The following CCDC154 variants were observed in gnomAD, a reference collection of about 807,000 sequenced individuals.
CCDC154 encodes the protein coiled-coil domain containing 154.
In CCDC154, 91 loss-of-function variants were observed where a neutral mutation model predicts 87.5. That is an observed-to-expected ratio of 1.04 (90% CI 0.88 to 1.24). CCDC154 has a LOEUF of 1.24. Ranked by LOEUF, CCDC154 falls within the 50% of genes most tolerant of loss-of-function variation. The probability of loss-of-function intolerance (pLI) is 0.00; values close to 1 mark genes in which losing one functional copy is unlikely to be tolerated. For synonymous variants in CCDC154, 418 were observed against 400.4 expected (o/e 1.04, Z -0.52); for missense variants, 903 against 879.2 (o/e 1.03, Z -0.34).
Position 1,443,877 on chromosome 16 carries a change from C to T in CCDC154, c.143G>A (p.Arg48Lys). The T allele has an allele frequency of 1.5e-6, 2 of 1,304,246 alleles. No individual in the cohort carries two copies. The highest frequency in any genetic ancestry group is 2.0e-6 in the Non-Finnish European group (2 of 988,968). The allele number at this position is 1,304,246 out of a possible 1,614,324, so 80.8% of individuals were successfully genotyped here. A position where few individuals can be genotyped will look rare whatever the true frequency, so the allele number is the denominator to read the frequency against. The part of the protein sequence containing the change: ...EPLSLEELSE[R>K]YESSHPTSTA... The stretch of plus-strand genomic sequence containing the variant: ...GGATGTCGGATGGCTGGACTCATAC[C>T]TCTCCGAGAGCTCCTCCAGGCTCAA... The change falls in exon 2 of 17, where the codon AGG becomes AAG. Residue 48 changes from arginine (R) to lysine (K), a missense_variant. By Grantham distance (26) the Arg-to-Lys change is conservative. Transcript: ENST00000389176.
Position 1,443,921 on chromosome 16 carries a change from G to A in CCDC154, c.99C>T (p.Gly33=), listed in dbSNP as rs756705970. The A allele has an allele frequency of 4.6e-6, 6 of 1,304,018 alleles. No homozygotes were observed. In the South Asian group the frequency reaches 4.9e-5, roughly 11 times the overall value. 80.8% of individuals were successfully genotyped at this position (1,304,018 alleles called of 1,614,324 possible). A position where few individuals can be genotyped will look rare whatever the true frequency, so the allele number is the denominator to read the frequency against. The change falls in exon 2 of 17, where the codon GGC becomes GGT. Residue 33 remains glycine (G), a synonymous_variant. Transcript: ENST00000389176. ...LEDLGLLLAG[G]LASPEPLSLE... ...GGCTCAAGGGCTCGGGGCTGGCCAG[G>A]CCTCCTGCCAGGAGGAGCCCCAGGT...
Position 1,437,847 on chromosome 16 carries a change from C to G in CCDC154, c.1260G>C (p.Gln420His), listed in dbSNP as rs764364552. The G allele has an allele frequency of 1.8e-5, 27 of 1,540,264 alleles. No homozygotes were observed. The African/African-American group carries it at 3.6e-4, about 20-fold the overall frequency. The stretch of plus-strand genomic sequence containing the variant: ...ACAGCCTGAGGCCCAGCATCTGCTC[C>G]TGCAGATCGAGCCGGCTGCTCAGAG... ...LPALSSRLDLQEQMLGLRLSE... is the reference protein window; with the variant it reads ...LPALSSRLDLHEQMLGLRLSE... Residue 420 changes from glutamine (Q) to histidine (H), a missense_variant, in exon 11 of 17, where the codon CAG (glutamine) becomes CAC (histidine). Coordinates refer to ENST00000389176, the MANE Select transcript of CCDC154 (RefSeq NM_001143980.3).
At chr16:1,443,108 T>A in intron 4 of CCDC154, 133 bp from the exon 5 acceptor site, 1 of 1,368,002 alleles carries the variant, frequency 7.3e-7, no homozygotes, top group South Asian at 1.3e-5. Context: ...CCCAGGCACG[T>A]ACAAACCCGG....
chr16:1,438,929 C>G lies in CCDC154; in HGVS notation c.792G>C (p.Ser264=), dbSNP rs1053890261. Residue 264 remains serine (S), a synonymous_variant, in exon 8 of 17, where the codon TCG becomes TCC. Coordinates refer to ENST00000389176, the MANE Select transcript of CCDC154 (RefSeq NM_001143980.3). ...FLALEKRMKA[S]ESSRLKLEGS... is the part of the protein sequence containing the mutation. Reference sequence around the variant, plus strand: ...CCTCCAGCTTCAGCCGTGAGCTCTCCGAGGCCTTCATTCTCTGTGGGGAGA... The same window carrying G: ...CCTCCAGCTTCAGCCGTGAGCTCTCGGAGGCCTTCATTCTCTGTGGGGAGA... 7.5e-5 allele frequency: 116 copies of G among 1,549,278 alleles called. No individual in the cohort carries two copies. Among genetic ancestry groups the G allele is most frequent in the Non-Finnish European group, 9.9e-5 (113 of 1,146,438 alleles).
chr16:1,438,630 C>G lies in CCDC154; in HGVS notation c.1014G>C (p.Glu338Asp), dbSNP rs1457290764. ...CCCAGGACACCCACCAGGCTTTCTCCTCGGCCAGTAGGACACGGTTCAGCG... is the reference window on the plus strand; with the variant it reads ...CCCAGGACACCCACCAGGCTTTCTCGTCGGCCAGTAGGACACGGTTCAGCG... ...QASLNRVLLA[E>D]EKAWDAKGRL... Residue 338 changes from glutamate to aspartate, a missense_variant, in exon 9 of 17, where the codon GAG (glutamate) becomes GAC (aspartate). Physicochemically the swap from Glu to Asp is conservative, Grantham distance 45. Coordinates refer to ENST00000389176, the MANE Select transcript of CCDC154 (RefSeq NM_001143980.3). 1 of 1,550,008 alleles carries G rather than the reference C, an allele frequency of 6.5e-7. No homozygotes were observed. Among genetic ancestry groups the G allele is most frequent in the Admixed American group, 2.0e-5 (1 of 50,986 alleles).
chr16:1,435,987 C>T lies in CCDC154; in HGVS notation c.1587G>A (p.Met529Ile), dbSNP rs1416701937. The T allele has an allele frequency of 6.5e-7, 1 of 1,550,228 alleles. No individual in the cohort carries two copies. The highest frequency in any genetic ancestry group is 2.0e-5 in the Admixed American group (1 of 51,008). Residue 529 changes from methionine to isoleucine, a missense_variant, in exon 14 of 17, where the codon ATG becomes ATA. Physicochemically the swap from Met to Ile is conservative, Grantham distance 10. Coordinates refer to ENST00000389176, the MANE Select transcript of CCDC154 (RefSeq NM_001143980.3). ...EDNPGRKIAEMQGKLATFQNQ... is the reference protein window; with the variant it reads ...EDNPGRKIAEIQGKLATFQNQ... ...GGACTACCGTGGCCAGCTTGCCCTG[C>T]ATCTCCGCGATCTTCCGCCCAGGGT...
chr16:1,442,533 G>T lies in CCDC154; in HGVS notation c.552-4C>A. Reference sequence around the variant, plus strand: ...CAAGTCGGTCAGCTTGGCCAGTCTAGAGAAGTCGGCTGTGGTCACACCAGC... The same window carrying T: ...CAAGTCGGTCAGCTTGGCCAGTCTATAGAAGTCGGCTGTGGTCACACCAGC... On this transcript the variant is annotated splice_region_variant and splice_polypyrimidine_tract_variant and intron_variant, in intron 5 of 16. Transcript: ENST00000389176. 6.5e-7 allele frequency: 1 copy of T among 1,537,002 alleles called. No individual in the cohort carries two copies. Among genetic ancestry groups the T allele is most frequent in the African/African-American group, 1.4e-5 (1 of 72,836 alleles).
chr16:1,440,032 A>G (rs1199926433), intron 6 of CCDC154, among the ~76,000 whole-genome samples: 1 of 151,434 alleles, frequency 6.6e-6, no homozygotes, highest in Non-Finnish European at 1.5e-5. Flanking sequence ...CTGTAATCCC[A>G]GCTACTCTGG....
Position 1,437,961 on chromosome 16 carries a change from G to C in CCDC154, c.1153-7C>G, listed in dbSNP as rs1238917365. On this transcript the variant is annotated splice_polypyrimidine_tract_variant and splice_region_variant and intron_variant, in intron 10 of 16. Coordinates refer to ENST00000389176, the MANE Select transcript of CCDC154 (RefSeq NM_001143980.3). Reference sequence around the variant, plus strand: ...CCCGGCTCTTCTCTCGGAGCTGCAGGGGACAGGTGGGCACGGGGAGGCCTG... The same window carrying C: ...CCCGGCTCTTCTCTCGGAGCTGCAGCGGACAGGTGGGCACGGGGAGGCCTG... 1 of 1,543,096 alleles carries C rather than the reference G, an allele frequency of 6.5e-7. No individual in the cohort carries two copies. Among genetic ancestry groups the C allele is most frequent in the Non-Finnish European group, 8.8e-7 (1 of 1,142,632 alleles).
In CCDC154 at chr16:1,442,510, A is replaced by T. The variant is rs2038561095; in HGVS notation, c.571T>A (p.Leu191Met). The T allele has an allele frequency of 6.5e-7, 1 of 1,546,786 alleles. No individual in the cohort carries two copies. Among genetic ancestry groups the T allele is most frequent in the African/African-American group, 1.4e-5 (1 of 72,886 alleles). ...AGLRLAKLTD[L>M]LQQEEQGREV... ...CGGCCCTGCTCCTCCTGCTGCAGCA[A>T]GTCGGTCAGCTTGGCCAGTCTAGAG... Residue 191 changes from leucine (L) to methionine (M), a missense_variant, in exon 6 of 17, where the codon TTG becomes ATG. Physicochemically the swap from Leu to Met is conservative, Grantham distance 15 (BLOSUM62 2). Transcript: ENST00000389176.
rs112353007 is a variant in CCDC154, at chr16:1,434,913, C to T, written c.1693-61G>A. The T allele has an allele frequency of 2.9e-4, 415 of 1,453,804 alleles. No homozygotes were observed. In the African/African-American group the frequency reaches 5.2e-3, roughly 18 times the overall value. 90.1% of individuals were successfully genotyped at this position (1,453,804 alleles called of 1,614,324 possible). A position where few individuals can be genotyped will look rare whatever the true frequency, so the allele number is the denominator to read the frequency against. On this transcript the variant is annotated intron_variant, in intron 15 of 16. Coordinates refer to ENST00000389176, the MANE Select transcript of CCDC154 (RefSeq NM_001143980.3). Reference sequence around the variant, plus strand: ...AGACCTCCGGGCAGGGGATGGCAAACGGGGGCTTATCTCCCACCGGGAGCC... The same window carrying T: ...AGACCTCCGGGCAGGGGATGGCAAATGGGGGCTTATCTCCCACCGGGAGCC...
Position 1,442,980 on chromosome 16 carries a change from G to T in CCDC154, c.456-5C>A. The T allele has an allele frequency of 6.5e-7, 1 of 1,549,994 alleles. No individual in the cohort carries two copies. Among genetic ancestry groups the T allele is most frequent in the Non-Finnish European group, 8.7e-7 (1 of 1,146,830 alleles). ...GCTTCCCGGACCTCCACCAGCCTGG[G>T]ACACAACAAGCCATTCCCGAGAGGC... On this transcript the variant is annotated splice_polypyrimidine_tract_variant and splice_region_variant and intron_variant, in intron 4 of 16. Transcript: ENST00000389176.
chr16:1,438,356 G>A (rs778484027), intron 9 of CCDC154, 180 bp from the exon 10 acceptor site: 29 of 830,406 alleles, frequency 3.5e-5, no homozygotes, highest in African/African-American at 2.1e-4. Flanking sequence ...CAAGATGGGC[G>A]TTCACTCCCC....
chr16:1,436,343 T>C (rs987301360), intron 13 of CCDC154, 102 bp downstream of exon 13: 3 of 1,101,396 alleles, frequency 2.7e-6, no homozygotes, highest in Non-Finnish European at 2.6e-6. Context: ...GGAACAGGTC[T>C]GTCACGATAC....
chr16:1,443,489 G>C lies in CCDC154; in HGVS notation c.414+17C>G, dbSNP rs748575112. 1.2e-4 allele frequency: 175 copies of C among 1,432,910 alleles called. No homozygotes were observed. Among genetic ancestry groups the C allele is most frequent in the Admixed American group, 5.0e-4 (18 of 36,186 alleles). The allele number at this position is 1,432,910 out of a possible 1,614,324, so 88.8% of individuals were successfully genotyped here. ...AGGAAAGGGGCAGCTCGACCTGTGG[G>C]TGGGGGAGCCGCTCACCTCCGGCGC... On this transcript the variant is annotated intron_variant, in intron 3 of 16. Transcript: ENST00000389176.
At chr16:1,440,844 G>A (rs899118300) in intron 6 of CCDC154, among the ~76,000 whole-genome samples, 1 of 151,958 alleles carries the variant, frequency 6.6e-6, no homozygotes, top group South Asian at 2.1e-4. Flanking sequence ...CCAGCTACTC[G>A]GGAAGCTGAG....
intron 6 of CCDC154, 71 bp from the exon 7 acceptor site, chr16:1,439,197 G>T: frequency 2.2e-6 from 3 of 1,357,148 alleles, no homozygotes; most frequent in South Asian, 1.3e-5. Flanking sequence ...CCTGCCCATG[G>T]TCTCCATCAG....
intron 9 of CCDC154, 171 bp from the exon 10 acceptor site, chr16:1,438,347 A>T: frequency 1.1e-6 from 1 of 871,564 alleles, no homozygotes; most frequent in South Asian, 1.8e-5. Context: ...CATGGCCACC[A>T]AGATGGGCGT....
intron 5 of CCDC154, 144 bp from the exon 6 acceptor site, chr16:1,442,673 C>A: frequency 9.1e-7 from 1 of 1,095,358 alleles, no homozygotes; most frequent in Non-Finnish European, 1.3e-6. Flanking sequence ...AAACACAGCA[C>A]CGGTGGCAGG....
Sources: gnomAD v4.1 joint callset for allele counts (sites outside exome capture counted in the v4.1 genomes callset) on GRCh38, gnomAD v4.1.1 for gene constraint, MANE v1.5 for transcripts, NCBI Gene and HGNC (gene_info 2026-07-23, HGNC 2026-07-21) for gene names.